Variants in ERC1 observed in about 807,000 individuals in gnomAD.
ERC1 encodes the protein ELKS/RAB6-interacting/CAST family member 1, also known as RAB6 interacting protein 2.
A neutral mutation model predicts 132.0 loss-of-function variants in ERC1; 56 were observed. The observed-to-expected ratio is 0.42, with a 90% confidence interval of 0.34 to 0.53. The LOEUF is 0.53. Among genes scored for constraint, ERC1 ranks in the 20% least tolerant of loss-of-function variants. The probability of loss-of-function intolerance (pLI) is 0.03; values close to 1 mark genes in which losing one functional copy is unlikely to be tolerated. For missense variants in ERC1, 1,202 were observed against 1,349.9 expected (o/e 0.89, Z 1.72); for synonymous variants, 478 against 476.1 (o/e 1.00, Z -0.05).
intron 7 of ERC1, among the ~76,000 whole-genome samples, chr12:1,125,139 T>C (rs1158072788): frequency 2.0e-5 from 3 of 151,894 alleles, no homozygotes; most frequent in Admixed American, 6.6e-5. Flanking sequence ...GGACTACAGG[T>C]GCATGCCACC....
chr12:1,486,366 T>G (rs1203853589), intron 18 of ERC1, among the ~76,000 whole-genome samples: 1 of 152,182 alleles, frequency 6.6e-6, no homozygotes, highest in Non-Finnish European at 1.5e-5. Flanking sequence ...TTTTCTTGTT[T>G]TTTTTTCTTT....
chr12:1,051,498 A>G (rs1234241379), intron 2 of ERC1, among the ~76,000 whole-genome samples: 5 of 150,408 alleles, frequency 3.3e-5, no homozygotes, highest in Non-Finnish European at 7.4e-5. Context: ...GAGACCAGCA[A>G]GGGCTACATA....
At chr12:1,290,043 T>C in intron 15 of ERC1, 31 bp downstream of exon 15, 1 of 1,592,434 alleles carries the variant, frequency 6.3e-7, no homozygotes, top group African/African-American at 1.3e-5. Context: ...TCTTCAAGCA[T>C]ATGCTTAGTG....
chr12:1,006,464 G>T (rs1173390602), intron 1 of ERC1, among the ~76,000 whole-genome samples: 3 of 152,062 alleles, frequency 2.0e-5, no homozygotes, highest in Admixed American at 1.3e-4. Flanking sequence ...GCTCACTGTA[G>T]TCTTGACCTT....
At chr12:1,431,247 G>A (rs1565424538) in intron 17 of ERC1, among the ~76,000 whole-genome samples, 1 of 152,168 alleles carries the variant, frequency 6.6e-6, no homozygotes, top group Non-Finnish European at 1.5e-5. Context: ...GGGGACAGGG[G>A]CAGATATCTC....
chr12:1,274,900 G>A (rs11061679), intron 14 of ERC1, among the ~76,000 whole-genome samples: 62,445 of 152,016 alleles, frequency 0.41, 13,375 homozygotes, highest in Middle Eastern at 0.52. Context: ...CAGGAACCAC[G>A]TGTGTGGAGA....
chr12:1,260,143 C>G (rs1326764976), intron 13 of ERC1, among the ~76,000 whole-genome samples: 1 of 151,976 alleles, frequency 6.6e-6, no homozygotes, highest in East Asian at 1.9e-4. Flanking sequence ...GAGTGAGATA[C>G]TTTTTTGGGG....
At chr12:1,140,924 C>T (rs532293722) in intron 7 of ERC1, among the ~76,000 whole-genome samples, 3 of 152,066 alleles carry the variant, frequency 2.0e-5, no homozygotes, top group Admixed American at 6.6e-5. Context: ...TAACAATTTT[C>T]GGCTTGAAAA....
At chr12:1,000,510 ATGGGATGAAAATTT>A (rs1383965834) in intron 1 of ERC1, among the ~76,000 whole-genome samples, 1 of 151,802 alleles carries the variant, frequency 6.6e-6, no homozygotes, top group Non-Finnish European at 1.5e-5. Context: ...AAATAACCCA[ATGGGATGAAAATTT>A]TGGGATGAAA....
rs1967151478 is a variant in ERC1 at position 1,027,840 on chromosome 12, A to G, written c.-64A>G. On this transcript the variant is annotated 5_prime_UTR_variant, in exon 2 of 19. Coordinates refer to ENST00000360905, the MANE Select transcript of ERC1 (RefSeq NM_178040.4). ...CTTGTAGCCATAGAGACACCTCACAAGGTTCCCATTTTTGTTGTTGTTGTT... is the reference window on the plus strand; with the variant it reads ...CTTGTAGCCATAGAGACACCTCACAGGGTTCCCATTTTTGTTGTTGTTGTT... The G allele has an allele frequency of 6.9e-7, 1 of 1,452,082 alleles. No homozygotes were observed. The highest frequency in any genetic ancestry group is 2.3e-5 in the East Asian group (1 of 43,854). 89.9% of individuals were successfully genotyped at this position (1,452,082 alleles called of 1,614,324 possible). A position where few individuals can be genotyped will look rare whatever the true frequency, so the allele number is the denominator to read the frequency against.
intron 1 of ERC1, among the ~76,000 whole-genome samples, chr12:1,022,862 C>G (rs2154146272): frequency 6.6e-6 from 1 of 152,264 alleles, no homozygotes. Context: ...AAGTGATCCA[C>G]TGACCTTGGC....
chr12:1,387,029 T>A (rs541997341), intron 16 of ERC1: 1 of 140,336 alleles, frequency 7.1e-6, no homozygotes, highest in Non-Finnish European at 1.5e-5. Context: ...TCAGACTTGC[T>A]TGGGGCTGAT....
chr12:1,211,686 A>G (rs1566261421), intron 12 of ERC1, among the ~76,000 whole-genome samples: 2 of 151,414 alleles, frequency 1.3e-5, no homozygotes, highest in Admixed American at 6.6e-5. Context: ...CAGCCTCTCT[A>G]GTAGCTGGGA....
At chr12:1,377,233 A>G (rs1184936371) in intron 16 of ERC1, among the ~76,000 whole-genome samples, 2 of 152,232 alleles carry the variant, frequency 1.3e-5, no homozygotes, top group Admixed American at 6.5e-5. Context: ...TCCACTCTCT[A>G]GTGAACAGTT....
intron 15 of ERC1, among the ~76,000 whole-genome samples, chr12:1,365,146 C>G (rs1244391757): frequency 1.3e-5 from 2 of 152,176 alleles, no homozygotes; most frequent in Non-Finnish European, 2.9e-5. Flanking sequence ...TGCACCCCCT[C>G]TTAAATTATG....
chr12:1,344,000 C>A (rs1318406948), intron 15 of ERC1, among the ~76,000 whole-genome samples: 5 of 152,070 alleles, frequency 3.3e-5, no homozygotes, highest in Admixed American at 3.3e-4. Flanking sequence ...CACCACTGCA[C>A]CCGGCTAATT....
At chr12:1,229,837 GGTT>G (rs1283150593) in intron 12 of ERC1, among the ~76,000 whole-genome samples, 1 of 151,776 alleles carries the variant, frequency 6.6e-6, no homozygotes, top group East Asian at 1.9e-4. Context: ...TTTGGGCTTA[GGTT>G]GTTCTTTTTT....
chr12:1,479,450 A>G (rs2094041814), intron 18 of ERC1, among the ~76,000 whole-genome samples: 1 of 152,158 alleles, frequency 6.6e-6, no homozygotes, highest in African/African-American at 2.4e-5. Context: ...TTCTCCAAAT[A>G]TTTTATGGTT....
At chr12:1,210,969 A>G (rs551471060) in intron 12 of ERC1, among the ~76,000 whole-genome samples, 1 of 149,104 alleles carries the variant, frequency 6.7e-6, no homozygotes, top group Non-Finnish European at 1.5e-5. Flanking sequence ...CTAGCAACAG[A>G]GTGAGACTGT....
Sources: allele counts gnomAD v4.1 joint callset (sites outside exome capture counted in the v4.1 genomes callset), GRCh38; gene constraint gnomAD v4.1.1; transcripts MANE v1.5; gene names NCBI Gene and HGNC (gene_info 2026-07-23, HGNC 2026-07-21).